The following EVA1A variants were observed in gnomAD, a reference collection of about 807,000 sequenced individuals.
The protein encoded by EVA1A is protein eva-1 homolog A.
In EVA1A, 7 loss-of-function variants were observed where a neutral mutation model predicts 9.8. The ratio of observed to expected loss-of-function variants is 0.71; its 90% CI spans 0.41 to 1.34. The LOEUF (loss-of-function observed/expected upper bound fraction) is 1.34. EVA1A is among the 40% of genes most tolerant of loss of function. The pLI is 0.01. For missense variants in EVA1A, 206 were observed against 205.9 expected (o/e 1.00, Z 0.00); for synonymous variants, 90 against 85.6 (o/e 1.05, Z -0.28).
At chr2:75,526,914 G>T (rs1331966400) in intron 1 of EVA1A, among the ~76,000 whole-genome samples, 1 of 152,116 alleles carries the variant, frequency 6.6e-6, no homozygotes, top group South Asian at 2.1e-4. Flanking sequence ...AGCCAGAGAT[G>T]GTCTGAAAGA....
At chr2:75,526,805 A>G (rs1675458696) in intron 1 of EVA1A, among the ~76,000 whole-genome samples, 1 of 152,228 alleles carries the variant, frequency 6.6e-6, no homozygotes, top group South Asian at 2.1e-4. Flanking sequence ...GTTGAGCTTT[A>G]TTTTATGGAC....
At chr2:75,562,730 C>A (rs1676951374), upstream of EVA1A, among the ~76,000 whole-genome samples, 1 of 152,222 alleles carries the variant, frequency 6.6e-6, no homozygotes, top group South Asian at 2.1e-4. Context: ...AGCTTTCCAG[C>A]AGGCATATGG....
upstream of EVA1A, among the ~76,000 whole-genome samples, chr2:75,565,224 A>C (rs1677003103): frequency 6.6e-6 from 1 of 152,238 alleles, no homozygotes; most frequent in African/African-American, 2.4e-5. Flanking sequence ...ATGTTCTGAA[A>C]TCACAAGCTG....
At chr2:75,506,609 C>T (rs891557430) in intron 3 of EVA1A, among the ~76,000 whole-genome samples, 3 of 152,138 alleles carry the variant, frequency 2.0e-5, no homozygotes, top group African/African-American at 7.2e-5. Context: ...TAGGCACAGC[C>T]TCAATTCTAT....
At chr2:75,508,585 C>T (rs902798054) in intron 3 of EVA1A, among the ~76,000 whole-genome samples, 2 of 152,116 alleles carry the variant, frequency 1.3e-5, no homozygotes, top group African/African-American at 2.4e-5. Flanking sequence ...ATTTTAATTT[C>T]GCCCCAGTCC....
chr2:75,544,346 T>C (rs1676250003), intron 1 of EVA1A, among the ~76,000 whole-genome samples: 1 of 152,198 alleles, frequency 6.6e-6, no homozygotes, highest in African/African-American at 2.4e-5. Context: ...TATACGGTAA[T>C]ATGTGACCAC....
intron 1 of EVA1A, chr2:75,542,711 G>A (rs567668613): frequency 2.2e-4 from 33 of 152,240 alleles, no homozygotes; most frequent in Non-Finnish European, 3.5e-4. Flanking sequence ...CATTTCATAT[G>A]TTTCCATTGG....
intron 1 of EVA1A, among the ~76,000 whole-genome samples, chr2:75,548,362 T>C (rs1676401530): frequency 6.6e-6 from 1 of 152,158 alleles, no homozygotes; most frequent in Non-Finnish European, 1.5e-5. Flanking sequence ...GCTGAACTCC[T>C]GGGCTCAAGC....
Position 75,493,278 on chromosome 2 carries a change from C to A in EVA1A, c.417G>T (p.Gln139His). ...GGCTCCTGGTCCCGGGCACCTCAGGCTGGCCATTCATCCAGATCTCCCTGA... is the reference window on the plus strand; with the variant it reads ...GGCTCCTGGTCCCGGGCACCTCAGGATGGCCATTCATCCAGATCTCCCTGA... ...RIIREIWMNG[Q>H]PEVPGTRSLN... The change falls in exon 4 of 4, where the codon CAG becomes CAT. Residue 139 changes from glutamine to histidine, a missense_variant. Coordinates refer to ENST00000393913, the MANE Select transcript of EVA1A (RefSeq NM_001135032.2). 1 of 1,613,926 alleles carries A rather than the reference C, an allele frequency of 6.2e-7. No individual in the cohort carries two copies. The highest frequency in any genetic ancestry group is 8.5e-7 in the Non-Finnish European group (1 of 1,179,914).
intron 3 of EVA1A, among the ~76,000 whole-genome samples, chr2:75,494,656 C>G (rs775944057): frequency 2.0e-5 from 3 of 152,206 alleles, no homozygotes; most frequent in Non-Finnish European, 4.4e-5. Flanking sequence ...ACAGTCCTGG[C>G]CTTGCAGTGG....
At chr2:75,517,765 C>T (rs1272625612) in intron 3 of EVA1A, 4 of 717,148 alleles carry the variant, frequency 5.6e-6, no homozygotes, top group Non-Finnish European at 1.0e-5. Flanking sequence ...AGAGTTAATG[C>T]ATAGTGACAG....
chr2:75,545,750 G>C (rs1440512230), intron 1 of EVA1A, among the ~76,000 whole-genome samples: 2 of 152,074 alleles, frequency 1.3e-5, no homozygotes, highest in Non-Finnish European at 2.9e-5. Flanking sequence ...CATTTGATTG[G>C]GCACTGCAGT....
intron 3 of EVA1A, among the ~76,000 whole-genome samples, chr2:75,516,287 G>A (rs1675003853): frequency 6.6e-6 from 1 of 152,164 alleles, no homozygotes; most frequent in Admixed American, 6.5e-5. Flanking sequence ...TATAATCAGG[G>A]AGTGTTCCCC....
At chr2:75,501,713 C>T (rs930779895) in intron 3 of EVA1A, among the ~76,000 whole-genome samples, 10 of 152,126 alleles carry the variant, frequency 6.6e-5, no homozygotes, top group South Asian at 2.1e-4. Flanking sequence ...TTGAAGGAGC[C>T]GCATAATGGG....
intron 2 of EVA1A, among the ~76,000 whole-genome samples, chr2:75,520,433 T>A (rs2103854446): frequency 1.3e-5 from 2 of 152,290 alleles, no homozygotes; most frequent in East Asian, 3.8e-4. Flanking sequence ...TCTTCCTGAT[T>A]TCAAAACTTA....
rs1367212150 is a variant in EVA1A, at chr2:75,498,762, CTGAG to C, written c.86-5157_86-5154del. On this transcript the variant is annotated intron_variant, in intron 3 of 3. Coordinates refer to ENST00000393913, the MANE Select transcript of EVA1A (RefSeq NM_001135032.2). Reference sequence around the variant, plus strand: ...CTGTACATCTCTAGTTGTAGCACTACTGAGTGACTTAATACATTTAAATTTGCAC... The same window carrying C: ...CTGTACATCTCTAGTTGTAGCACTACTGACTTAATACATTTAAATTTGCAC... Among the ~76,000 whole-genome samples, 6 of 151,232 alleles carry C rather than the reference CTGAG, an allele frequency of 4.0e-5. No homozygotes were observed. The East Asian group carries it at 9.7e-4, about 24-fold the overall frequency.
At chr2:75,534,660 C>CTTTG (rs1675812039) in intron 1 of EVA1A, among the ~76,000 whole-genome samples, 1 of 152,032 alleles carries the variant, frequency 6.6e-6, no homozygotes, top group Non-Finnish European at 1.5e-5. Flanking sequence ...AAAAATGACC[C>CTTTG]TTTGTTGGAT....
chr2:75,493,232 C>G lies in EVA1A; in HGVS notation c.*4G>C. 1 of 1,604,472 alleles carries G rather than the reference C, an allele frequency of 6.2e-7. No individual in the cohort carries two copies. Among genetic ancestry groups the G allele is most frequent in the Non-Finnish European group, 8.5e-7 (1 of 1,174,416 alleles). ...TCCAGTGGTTTCCGGGGTCCTGCTG[C>G]TCCCTAATAGTAGCGATTCAGGCTC... is the stretch of plus-strand genomic sequence containing the variant. On this transcript the variant is annotated 3_prime_UTR_variant, in exon 4 of 4. Transcript: ENST00000393913.
chr2:75,512,763 T>G lies in EVA1A; in HGVS notation c.85+5293A>C, dbSNP rs547790127. On this transcript the variant is annotated intron_variant, in intron 3 of 3. Transcript: ENST00000393913. ...TGTCTTGGCCCCAATAATTCTTTGTTGCAGGAGATTGTCCTGTGCATTGTA... is the reference window on the plus strand; with the variant it reads ...TGTCTTGGCCCCAATAATTCTTTGTGGCAGGAGATTGTCCTGTGCATTGTA... 3.0e-4 allele frequency among the ~76,000 whole-genome samples: 45 copies of G among 152,264 alleles called. No individual in the cohort carries two copies. The East Asian group carries it at 3.5e-3, about 12-fold the overall frequency.
Sources: gnomAD v4.1 joint callset for allele counts (sites outside exome capture counted in the v4.1 genomes callset) on GRCh38, gnomAD v4.1.1 for gene constraint, MANE v1.5 for transcripts, NCBI Gene and HGNC (gene_info 2026-07-23, HGNC 2026-07-21) for gene names.